Variants in AIFM1 observed in about 807,000 individuals in gnomAD.
The protein encoded by AIFM1 is apoptosis inducing factor mitochondria associated 1.
A neutral mutation model predicts 51.7 loss-of-function variants in AIFM1; 3 were observed. The observed-to-expected ratio is 0.06, with a 90% CI of 0.03 to 0.15. The LOEUF (loss-of-function observed/expected upper bound fraction) is 0.15. Ranked by LOEUF, AIFM1 falls within the 10% of genes least tolerant of loss-of-function variation. The pLI is 1.00. For missense variants in AIFM1, 330 were observed against 476.8 expected, an observed-to-expected ratio of 0.69 and a Z score of 2.87; for synonymous variants, 178 against 179.4, an observed-to-expected ratio of 0.99 and a Z score of 0.06.
intron 12 of AIFM1, among the ~76,000 whole-genome samples, chrX:130,134,693 G>C (rs1162722067): frequency 9.1e-6 from 1 of 110,447 alleles, no homozygotes; most frequent in Non-Finnish European, 1.9e-5. Context: ...CTCCAGCCGG[G>C]GGTGAACTGG....
At chrX:130,145,778 G>A (rs369150956) in intron 5 of AIFM1, among the ~76,000 whole-genome samples, 1 of 111,829 alleles carries the variant, frequency 8.9e-6, no homozygotes, top group African/African-American at 3.3e-5. Flanking sequence ...TTGCTCCCAG[G>A]GGATGTTTGC....
intron 1 of AIFM1, among the ~76,000 whole-genome samples, chrX:130,163,249 G>T (rs1181376077): frequency 1.9e-5 from 2 of 105,346 alleles, no homozygotes; most frequent in African/African-American, 7.0e-5. Flanking sequence ...GGCAGAGGTT[G>T]CAGTGAGCCA....
At chrX:130,161,278 C>T (rs1440167813) in intron 1 of AIFM1, among the ~76,000 whole-genome samples, 1 of 109,929 alleles carries the variant, frequency 9.1e-6, no homozygotes, top group South Asian at 4.0e-4. Flanking sequence ...TTTGGGAGGC[C>T]GAGGTGGGCG....
chrX:130,139,306 T>C (rs1009264744), intron 8 of AIFM1, among the ~76,000 whole-genome samples: 11 of 108,080 alleles, frequency 1.0e-4, no homozygotes, highest in Admixed American at 1.0e-3. Flanking sequence ...CACTCCAGCC[T>C]GGGTGATAGA....
intron 9 of AIFM1, 141 bp downstream of exon 9, chrX:130,138,452 G>C (rs751119352): frequency 6.1e-6 from 3 of 495,152 alleles, no homozygotes; most frequent in Non-Finnish European, 1.0e-5. Flanking sequence ...GTGACAGAGC[G>C]AGACTCCATC....
At chrX:130,138,775 T>C (rs976019833) in intron 8 of AIFM1, 74 bp from the exon 9 acceptor site, 103 of 733,778 alleles carry the variant, frequency 1.4e-4, no homozygotes, top group Non-Finnish European at 2.0e-4. Context: ...AAGTAGTTTC[T>C]TCTAAATCTT....
intron 2 of AIFM1, among the ~76,000 whole-genome samples, chrX:130,151,094 T>C (rs1293359956): frequency 9.2e-6 from 1 of 108,950 alleles, no homozygotes; most frequent in Non-Finnish European, 1.9e-5. Context: ...CTCAGATTAA[T>C]TGTAGGAGAA....
In AIFM1 at chrX:130,140,570, G is replaced by A. The variant is rs1193744604; in HGVS notation, c.744C>T (p.Gly248=). ...VRDNMVKLND[G]SQITYEKCLI... ...AGCACTTTTCATAGGTTATTTGAGA[G>A]CCATCATTAAGTTTCACCATGTTGT... The change falls in exon 7 of 16, where the codon GGC becomes GGT. Residue 248 remains glycine, a synonymous_variant. Coordinates refer to ENST00000287295, the MANE Select transcript of AIFM1 (RefSeq NM_004208.4). 2 of 1,209,616 alleles carry A rather than the reference G, an allele frequency of 1.7e-6. No homozygotes were observed. Among genetic ancestry groups the A allele is most frequent in the East Asian group, 3.0e-5 (1 of 33,826 alleles).
intron 2 of AIFM1, chrX:130,155,397 A>G: frequency 1.1e-6 from 1 of 917,779 alleles, no homozygotes; most frequent in Non-Finnish European, 1.5e-6. Flanking sequence ...ACCCTGTGCT[A>G]AAAAAGGAAA....
intron 5 of AIFM1, 80 bp from the exon 6 acceptor site, chrX:130,145,649 T>C: frequency 1.3e-6 from 1 of 797,336 alleles, no homozygotes. Context: ...TAAAACTGTT[T>C]CCATTATCAG....
intron 2 of AIFM1, among the ~76,000 whole-genome samples, chrX:130,151,415 A>G (rs1403988760): frequency 9.0e-6 from 1 of 111,290 alleles, no homozygotes; most frequent in Non-Finnish European, 1.9e-5. Flanking sequence ...CTGGGATTAC[A>G]TGCGTGAGCC....
intron 8 of AIFM1, among the ~76,000 whole-genome samples, chrX:130,139,566 T>C (rs950761230): frequency 2.7e-5 from 3 of 111,206 alleles, no homozygotes; most frequent in East Asian, 5.6e-4. Context: ...GAAGGATCTA[T>C]TGCAAGCAAT....
Position 130,154,916 on chromosome X carries a change from TTAA to T in AIFM1, c.249+1542_249+1544del, listed in dbSNP as rs753430688. 1.1e-3 allele frequency among the ~76,000 whole-genome samples: 128 copies of T among 112,263 alleles called. 1 individual carries two copies. Among genetic ancestry groups the T allele is most frequent in the African/African-American group, 4.0e-3 (125 of 30,905 alleles). ...ATTGGCAAAAGTTTCAAAGAAAGAG[TTAA>T]TGATGAGGATTTGTGATCATCATTA... On this transcript the variant is annotated intron_variant, in intron 2 of 15. Coordinates refer to ENST00000287295, the MANE Select transcript of AIFM1 (RefSeq NM_004208.4).
Position 130,156,599 on chromosome X carries a change from G to A in AIFM1, c.111C>T (p.Asn37=). 8.3e-7 allele frequency: 1 copy of A among 1,210,837 alleles called. No homozygotes were observed. The highest frequency in any genetic ancestry group is 1.1e-6 in the Non-Finnish European group (1 of 894,858). Residue 37 remains asparagine, a synonymous_variant, in exon 2 of 16, where the codon AAC becomes AAT. Transcript: ENST00000287295. The stretch of plus-strand genomic sequence containing the variant: ...GAGGAACATGCCATCGCTGGAACAA[G>A]TTGCCTAAGAAACATAATTTATTAA... ...SPRQRNRLPG[N]LFQRWHVPLE... is the part of the protein sequence containing the mutation.
chrX:130,147,769 G>A lies in AIFM1; in HGVS notation c.457C>T (p.Arg153Trp), dbSNP rs765245709. 2 of 1,211,940 alleles carry A rather than the reference G, an allele frequency of 1.7e-6. No individual in the cohort carries two copies. The highest frequency in any genetic ancestry group is 2.2e-6 in the Non-Finnish European group (2 of 895,603). The change falls in exon 4 of 16, where the codon CGG becomes TGG. Residue 153 changes from arginine (R) to tryptophan (W), a missense_variant. Around this residue, in one of 4 missense-constraint regions of AIFM1, gnomAD observed 152 missense variants for 292.8 expected, o/e 0.52. Transcript: ENST00000287295. ...AFAAARSIRA[R>W]DPGARVLIVS... Reference sequence around the variant, plus strand: ...CACCTTACCCTGGCCCCAGGATCCCGAGCCCGGATGGATCTGGCTGCAGCA... The same window carrying A: ...CACCTTACCCTGGCCCCAGGATCCCAAGCCCGGATGGATCTGGCTGCAGCA...
chrX:130,135,915 G>GT, intron 12 of AIFM1, 130 bp downstream of exon 12: 1 of 896,220 alleles, frequency 1.1e-6, no homozygotes. Flanking sequence ...TTTCTATTCT[G>GT]TACCCTCAGC....
chrX:130,140,492 G>T, intron 7 of AIFM1, 41 bp downstream of exon 7: 1 of 1,090,102 alleles, frequency 9.2e-7, no homozygotes, highest in Non-Finnish European at 1.3e-6. Flanking sequence ...AAACTTGAAT[G>T]AGCTGTATCA....
At chrX:130,138,421 C>T (rs896487849) in intron 9 of AIFM1, among the ~76,000 whole-genome samples, 172 bp downstream of exon 9, 9 of 111,346 alleles carry the variant, frequency 8.1e-5, no homozygotes, top group African/African-American at 2.9e-4. Flanking sequence ...GCCGAGATCG[C>T]GCCACTGCAC....
At chrX:130,150,977 C>CAAAAAAAAAAAAAAAAAAAAAAAAA (rs759870161) in intron 2 of AIFM1, among the ~76,000 whole-genome samples, 1 of 27,801 alleles carries the variant, frequency 3.6e-5, no homozygotes, top group African/African-American at 1.8e-4. Context: ...GACTCTGTCT[C>CAAAAAAAAAAAAAAAAAAAAAAAAA]AAAAAAAAAA....
Sources: gnomAD v4.1 joint callset for allele counts (sites outside exome capture counted in the v4.1 genomes callset) on GRCh38, gnomAD v4.1.1 for gene constraint, gnomAD v4.1.1 regional missense constraint, MANE v1.5 for transcripts, NCBI Gene and HGNC (gene_info 2026-07-23, HGNC 2026-07-21) for gene names.